The following RBFOX1 variants were observed in gnomAD, a reference collection of about 807,000 sequenced individuals.
RBFOX1 encodes RNA binding protein fox-1 homolog 1.
Under a neutral mutation model 57.7 loss-of-function variants are expected in RBFOX1, and 8 were observed. The observed-to-expected ratio is 0.14, with a 90% CI of 0.08 to 0.25. The LOEUF (loss-of-function observed/expected upper bound fraction) is 0.25, where lower values mean the gene tolerates loss of function less well. Among genes scored for constraint, RBFOX1 ranks in the 10% least tolerant of loss-of-function variants. The pLI is 1.00. For missense variants in RBFOX1, 611 were observed against 548.5 expected (o/e 1.11, Z -1.14); for synonymous variants, 326 against 222.4 (o/e 1.47, Z -4.15).
intron 2 of RBFOX1, among the ~76,000 whole-genome samples, chr16:6,505,273 G>A (rs1468971557): frequency 6.6e-6 from 1 of 152,116 alleles, no homozygotes; most frequent in East Asian, 1.9e-4. Context: ...GCAGAAATGT[G>A]AAGCTTGTAG....
intron 1 of RBFOX1, among the ~76,000 whole-genome samples, chr16:5,412,515 C>G (rs2067048287): frequency 6.6e-6 from 1 of 152,138 alleles, no homozygotes; most frequent in Non-Finnish European, 1.5e-5. Flanking sequence ...TGCTGTTCCA[C>G]AAAGCACACA....
chr16:5,969,298 C>CTTTTGTTT (rs2059913442), intron 4 of RBFOX1, among the ~76,000 whole-genome samples: 1 of 83,750 alleles, frequency 1.2e-5, no homozygotes, highest in Non-Finnish European at 2.1e-5. Context: ...TTCGGTTGTT[C>CTTTTGTTT]TTTTTTTTTT....
chr16:6,818,233 A>C (rs2090528737), intron 3 of RBFOX1, among the ~76,000 whole-genome samples: 1 of 152,112 alleles, frequency 6.6e-6, no homozygotes, highest in South Asian at 2.1e-4. Flanking sequence ...GTTAGCAGAC[A>C]TGATACAAGC....
chr16:6,154,687 A>T (rs1465587266), intron 1 of RBFOX1, among the ~76,000 whole-genome samples: 1 of 152,206 alleles, frequency 6.6e-6, no homozygotes, highest in East Asian at 1.9e-4. Context: ...GTCAAAGAAG[A>T]AATGGGATGC....
At chr16:5,361,718 T>C (rs2065557031) in intron 1 of RBFOX1, among the ~76,000 whole-genome samples, 1 of 152,208 alleles carries the variant, frequency 6.6e-6, no homozygotes, top group Non-Finnish European at 1.5e-5. Context: ...TCCAGGTACC[T>C]GCAAGGCTCC....
intron 1 of RBFOX1, among the ~76,000 whole-genome samples, chr16:5,430,719 G>A (rs1011093992): frequency 1.3e-5 from 2 of 152,156 alleles, no homozygotes; most frequent in South Asian, 2.1e-4. Flanking sequence ...TTCCTGCTGC[G>A]CCAAAATGAT....
chr16:5,394,589 T>A (rs1445458177), intron 1 of RBFOX1, among the ~76,000 whole-genome samples: 2 of 148,584 alleles, frequency 1.3e-5, no homozygotes, highest in African/African-American at 2.5e-5. Flanking sequence ...TTTGACAGGA[T>A]CTTGCTCTGT....
At chr16:7,332,913 T>C in intron 4 of RBFOX1, 1 of 1,594,762 alleles carries the variant, frequency 6.3e-7, no homozygotes, top group Non-Finnish European at 8.5e-7. Context: ...CCCAGCTTTG[T>C]AGTTCGGAAG....
chr16:6,646,800 C>A (rs1015614943), intron 2 of RBFOX1, among the ~76,000 whole-genome samples: 9 of 152,008 alleles, frequency 5.9e-5, no homozygotes, highest in African/African-American at 2.2e-4. Flanking sequence ...CAGACAAATT[C>A]AAGGAGAGTT....
At chr16:6,211,228 CTTTTTTTT>C (rs990122299) in intron 1 of RBFOX1, among the ~76,000 whole-genome samples, 24 of 96,848 alleles carry the variant, frequency 2.5e-4, no homozygotes, top group African/African-American at 8.5e-4. Context: ...ATCTAGTTAA[CTTTTTTTT>C]TTTTTTTTTT....
chr16:5,569,576 C>A (rs2046208611), intron 2 of RBFOX1, among the ~76,000 whole-genome samples: 2 of 150,434 alleles, frequency 1.3e-5, no homozygotes. Context: ...ACATACCATC[C>A]CCATTTCACA....
At chr16:6,837,129 A>G (rs1220708308) in intron 3 of RBFOX1, among the ~76,000 whole-genome samples, 5 of 152,260 alleles carry the variant, frequency 3.3e-5, no homozygotes, top group Non-Finnish European at 7.3e-5. Context: ...GTTTGCAAAC[A>G]GTACAGTTTT....
chr16:7,283,991 C>T (rs368885323), intron 4 of RBFOX1, among the ~76,000 whole-genome samples: 1 of 152,226 alleles, frequency 6.6e-6, no homozygotes, highest in East Asian at 1.9e-4. Flanking sequence ...TTTTCTGTCT[C>T]TACAGTGTTG....
chr16:5,911,190 A>G (rs1008852226), intron 4 of RBFOX1, among the ~76,000 whole-genome samples: 4 of 152,146 alleles, frequency 2.6e-5, no homozygotes, highest in Non-Finnish European at 5.9e-5. Flanking sequence ...CTTGCAGCCC[A>G]TTTGGCTTGC....
intron 2 of RBFOX1, among the ~76,000 whole-genome samples, chr16:5,528,051 A>G (rs1414104476): frequency 6.6e-6 from 1 of 152,100 alleles, no homozygotes; most frequent in Non-Finnish European, 1.5e-5. Context: ...TCAACATTCA[A>G]ACACCTATTT....
intron 4 of RBFOX1, among the ~76,000 whole-genome samples, chr16:7,161,522 T>C (rs1400714946): frequency 6.6e-6 from 1 of 152,178 alleles, no homozygotes; most frequent in Non-Finnish European, 1.5e-5. Flanking sequence ...TAATTCCTAT[T>C]TTACAGATTC....
At chr16:5,644,035 G>A (rs550411093) in intron 3 of RBFOX1, among the ~76,000 whole-genome samples, 15 of 152,200 alleles carry the variant, frequency 9.9e-5, no homozygotes, top group South Asian at 8.3e-4. Flanking sequence ...AGACTGCGTC[G>A]TACACAGAGG....
intron 3 of RBFOX1, among the ~76,000 whole-genome samples, chr16:6,785,698 G>A (rs537357183): frequency 6.6e-6 from 1 of 152,214 alleles, no homozygotes; most frequent in East Asian, 1.9e-4. Flanking sequence ...GCATGTTACA[G>A]CCACTGTCCA....
chr16:6,450,779 A>ACATATATATATG (rs1410405257), intron 2 of RBFOX1, among the ~76,000 whole-genome samples: 3 of 59,666 alleles, frequency 5.0e-5, no homozygotes, highest in African/African-American at 1.7e-4. Flanking sequence ...ATATATATAT[A>ACATATATATATG]TATATATATA....
Sources: allele counts gnomAD v4.1 joint callset (sites outside exome capture counted in the v4.1 genomes callset), GRCh38; gene constraint gnomAD v4.1.1; transcripts MANE v1.5; gene names NCBI Gene and HGNC (gene_info 2026-07-23, HGNC 2026-07-21).